TFB1M: variants seen among roughly 807,000 people sequenced by gnomAD.
The protein encoded by TFB1M is dimethyladenosine transferase 1, mitochondrial.
A neutral mutation model predicts 31.1 loss-of-function variants in TFB1M; 27 were observed. The observed-to-expected ratio is 0.87, with a 90% confidence interval of 0.64 to 1.20. The LOEUF is 1.20. Ranked by LOEUF, TFB1M falls within the 50% of genes most tolerant of loss-of-function variation. The pLI is 0.00. For synonymous variants in TFB1M, 166 were observed against 151.8 expected (o/e 1.09, Z -0.69); for missense variants, 394 against 418.7 (o/e 0.94, Z 0.51).
chr6:155,291,254 C>A (rs1776911808), intron 4 of TFB1M, among the ~76,000 whole-genome samples: 1 of 152,212 alleles, frequency 6.6e-6, no homozygotes, highest in African/African-American at 2.4e-5. Flanking sequence ...GGATACCCAG[C>A]TGGTGTTCGG....
intron 5 of TFB1M, among the ~76,000 whole-genome samples, chr6:155,281,594 C>T (rs1354349325): frequency 1.3e-5 from 2 of 151,766 alleles, no homozygotes; most frequent in Admixed American, 6.6e-5. Flanking sequence ...TGATGGCGGG[C>T]GCCTGTAATC....
chr6:155,281,370 C>A (rs1373666396), intron 5 of TFB1M, among the ~76,000 whole-genome samples: 2 of 152,182 alleles, frequency 1.3e-5, no homozygotes, highest in Non-Finnish European at 2.9e-5. Context: ...AAAAAGAACC[C>A]GTTACAACTC....
At chr6:155,233,467 C>G in the TFB1M span, among the ~76,000 whole-genome samples, 1 of 152,114 alleles carries the variant, frequency 6.6e-6, no homozygotes, top group East Asian at 1.9e-4. Flanking sequence ...GCTGCTTGAT[C>G]GTCCTAAGCA....
chr6:155,253,133 TG>T (rs1320293830), downstream of TFB1M: 2 of 1,243,000 alleles, frequency 1.6e-6, no homozygotes, highest in African/African-American at 3.0e-5. Context: ...GAAAGGACCT[TG>T]GGGATAATTT....
downstream of TFB1M, chr6:155,254,572 AG>A: frequency 6.2e-7 from 1 of 1,609,624 alleles, no homozygotes; most frequent in Non-Finnish European, 8.5e-7. Context: ...CGGCCAAATT[AG>A]GTGAGAATTT....
At chr6:155,268,442 G>A (rs962986337) in intron 5 of TFB1M, among the ~76,000 whole-genome samples, 3 of 152,182 alleles carry the variant, frequency 2.0e-5, no homozygotes, top group African/African-American at 7.2e-5. Flanking sequence ...AGAAGATGGA[G>A]TGCAATGCTT....
the TFB1M span, among the ~76,000 whole-genome samples, chr6:155,240,356 C>CA: frequency 6.6e-6 from 1 of 152,218 alleles, no homozygotes; most frequent in Non-Finnish European, 1.5e-5. Flanking sequence ...CTTCCTTACT[C>CA]AGATCCGAAA....
intron 6 of TFB1M, 144 bp downstream of exon 6, chr6:155,260,129 G>T: frequency 2.1e-6 from 2 of 952,840 alleles, no homozygotes; most frequent in Non-Finnish European, 3.3e-6. Context: ...TCTCCTCATT[G>T]GCAGTGAAGT....
chr6:155,305,337 T>A (rs867688054), intron 2 of TFB1M, among the ~76,000 whole-genome samples: 4 of 36,940 alleles, frequency 1.1e-4, no homozygotes, highest in African/African-American at 4.4e-4. Flanking sequence ...TTTATATATA[T>A]AAATATATAT....
intron 5 of TFB1M, among the ~76,000 whole-genome samples, chr6:155,266,579 G>A (rs1784641978): frequency 6.6e-6 from 1 of 152,190 alleles, no homozygotes; most frequent in Non-Finnish European, 1.5e-5. Context: ...GGGCGCTGTG[G>A]CTCACACCTG....
intron 6 of TFB1M, among the ~76,000 whole-genome samples, chr6:155,258,784 A>G (rs561973576): frequency 6.6e-6 from 1 of 152,186 alleles, no homozygotes; most frequent in Admixed American, 6.5e-5. Context: ...TGGCCAGGGG[A>G]GATAGATAGC....
intron 5 of TFB1M, among the ~76,000 whole-genome samples, chr6:155,281,370 C>G (rs1373666396): frequency 6.6e-6 from 1 of 152,182 alleles, no homozygotes; most frequent in African/African-American, 2.4e-5. Flanking sequence ...AAAAAGAACC[C>G]GTTACAACTC....
At chr6:155,305,232 ATTAAATTATATATTTAT>A (rs1381894418) in intron 2 of TFB1M, among the ~76,000 whole-genome samples, 6,118 of 47,386 alleles carry the variant, frequency 0.13, 1,701 homozygotes, top group East Asian at 0.73. Flanking sequence ...ATATATATAT[ATTAAATTATATATTTAT>A]ATATATATTA....
At chr6:155,250,791 C>A in the TFB1M span, 1 of 1,175,408 alleles carries the variant, frequency 8.5e-7, no homozygotes, top group Non-Finnish European at 1.2e-6. Context: ...TTACAGGTAT[C>A]ATAAAAATTA....
At chr6:155,278,422 T>C (rs879801525) in intron 5 of TFB1M, among the ~76,000 whole-genome samples, 4 of 152,240 alleles carry the variant, frequency 2.6e-5, no homozygotes, top group Non-Finnish European at 5.9e-5. Context: ...TAAGAAGTCA[T>C]GAAATTATGA....
At chr6:155,280,755 T>A (rs1359951567) in intron 5 of TFB1M, among the ~76,000 whole-genome samples, 1 of 152,160 alleles carries the variant, frequency 6.6e-6, no homozygotes, top group Admixed American at 6.5e-5. Flanking sequence ...CACAAAAGCA[T>A]GAAAAACAGT....
chr6:155,259,542 G>GCCA (rs1175948297), intron 6 of TFB1M, among the ~76,000 whole-genome samples: 1 of 152,238 alleles, frequency 6.6e-6, no homozygotes, highest in Non-Finnish European at 1.5e-5. Flanking sequence ...TTACAATGAA[G>GCCA]CCATGTGAGG....
Position 155,298,473 on chromosome 6 carries a change from T to A in TFB1M, c.394+4A>T. 6.6e-7 allele frequency: 1 copy of A among 1,512,058 alleles called. No homozygotes were observed. Among genetic ancestry groups the A allele is most frequent in the Non-Finnish European group, 9.2e-7 (1 of 1,087,262 alleles). 93.7% of individuals were successfully genotyped at this position (1,512,058 alleles called of 1,614,324 possible). A position where few individuals can be genotyped will look rare whatever the true frequency, so the allele number is the denominator to read the frequency against. On this transcript the variant is annotated splice_donor_region_variant and intron_variant, in intron 3 of 6. Coordinates refer to ENST00000367166, the MANE Select transcript of TFB1M (RefSeq NM_016020.4). The stretch of plus-strand genomic sequence containing the variant: ...ATGTTTTATAACTACCCAAAAGCAC[T>A]CACCATCTTCCCAGGGTCTTTTAAG...
At chr6:155,265,618 G>A (rs903889135) in intron 5 of TFB1M, among the ~76,000 whole-genome samples, 3 of 149,960 alleles carry the variant, frequency 2.0e-5, no homozygotes, top group African/African-American at 4.9e-5. Context: ...TGAATGGAAA[G>A]CAAAGAAGAA....
Sources: gnomAD v4.1 joint callset for allele counts (sites outside exome capture counted in the v4.1 genomes callset) on GRCh38, gnomAD v4.1.1 for gene constraint, MANE v1.5 for transcripts, NCBI Gene and HGNC (gene_info 2026-07-23, HGNC 2026-07-21) for gene names.